The following FBXL13 variants were observed in gnomAD, a reference collection of about 807,000 sequenced individuals.
The protein encoded by FBXL13 is F-box and leucine-rich repeat protein 13.
In FBXL13, 67 loss-of-function variants were observed where a neutral mutation model predicts 83.6. The observed-to-expected ratio is 0.80, with a 90% confidence interval of 0.66 to 0.98. The LOEUF (loss-of-function observed/expected upper bound fraction) is 0.98, where lower values mean the gene tolerates loss of function less well. Ranked by LOEUF, FBXL13 falls within the 50% of genes least tolerant of loss-of-function variation. The pLI is 0.00. For missense variants in FBXL13, 822 were observed against 866.5 expected, an observed-to-expected ratio of 0.95 and a Z score of 0.64; for synonymous variants, 272 against 299.5, an observed-to-expected ratio of 0.91 and a Z score of 0.95.
At chr7:103,017,674 C>T (rs960423190) in intron 6 of FBXL13, among the ~76,000 whole-genome samples, 1 of 152,112 alleles carries the variant, frequency 6.6e-6, no homozygotes, top group African/African-American at 2.4e-5. Context: ...ATATGTGACA[C>T]ATGCATAAGC....
At chr7:103,012,042 C>T (rs533344727) in intron 6 of FBXL13, among the ~76,000 whole-genome samples, 18 of 152,192 alleles carry the variant, frequency 1.2e-4, no homozygotes, top group Non-Finnish European at 2.4e-4. Context: ...CATCCCAAGA[C>T]ACATAATCAT....
At chr7:103,069,111 G>C (rs943681277) in intron 1 of FBXL13, among the ~76,000 whole-genome samples, 3 of 151,896 alleles carry the variant, frequency 2.0e-5, no homozygotes, top group Non-Finnish European at 4.4e-5. Context: ...CCTCTGCCTG[G>C]CTGTCGCCCC....
intron 8 of FBXL13, among the ~76,000 whole-genome samples, chr7:102,953,012 A>C (rs561570885): frequency 1.4e-4 from 21 of 152,104 alleles, no homozygotes; most frequent in South Asian, 2.1e-4. Context: ...AACAAACAAA[A>C]AAACCCTCCA....
chr7:102,902,618 T>C (rs964567469), intron 11 of FBXL13, among the ~76,000 whole-genome samples: 1 of 151,870 alleles, frequency 6.6e-6, no homozygotes, highest in African/African-American at 2.4e-5. Flanking sequence ...GCATACATTA[T>C]GTATATAGTG....
chr7:103,026,201 T>C (rs1406842050), intron 5 of FBXL13, among the ~76,000 whole-genome samples: 7 of 152,030 alleles, frequency 4.6e-5, no homozygotes, highest in African/African-American at 1.2e-4. Context: ...TGCAGTGGCG[T>C]GATCTCGGCT....
intron 6 of FBXL13, chr7:102,973,356 C>G (rs1764887110): frequency 4.6e-6 from 3 of 658,460 alleles, no homozygotes; most frequent in Admixed American, 4.2e-5. Context: ...CAGAAGACAC[C>G]TACCCTGGCC....
chr7:102,943,012 A>C (rs1821764375), intron 8 of FBXL13, among the ~76,000 whole-genome samples: 1 of 151,824 alleles, frequency 6.6e-6, no homozygotes. Context: ...TTTTATTTTC[A>C]GTTATATTGG....
intron 2 of FBXL13, among the ~76,000 whole-genome samples, chr7:103,031,800 T>C (rs551832467): frequency 7.2e-5 from 11 of 152,372 alleles, no homozygotes; most frequent in Admixed American, 6.5e-4. Flanking sequence ...AGATTTTTCA[T>C]AGTATTAAGT....
At chr7:102,986,025 C>CG (rs1415233638) in intron 6 of FBXL13, among the ~76,000 whole-genome samples, 2 of 151,884 alleles carry the variant, frequency 1.3e-5, no homozygotes, top group African/African-American at 2.4e-5. Context: ...ATGCCCCCCC[C>CG]CCATCAATAC....
intron 11 of FBXL13, among the ~76,000 whole-genome samples, chr7:102,888,366 A>C (rs1051531929): frequency 6.6e-6 from 1 of 152,170 alleles, no homozygotes; most frequent in Non-Finnish European, 1.5e-5. Flanking sequence ...GTGAAACCCC[A>C]TCTCAACTAA....
intron 11 of FBXL13, among the ~76,000 whole-genome samples, chr7:102,901,072 G>A (rs1330394814): frequency 6.6e-6 from 1 of 152,158 alleles, no homozygotes; most frequent in African/African-American, 2.4e-5. Flanking sequence ...GGCAAACAGT[G>A]GTCCATCTCG....
chr7:102,838,890 G>A (rs1802448518), intron 17 of FBXL13, among the ~76,000 whole-genome samples: 2 of 152,120 alleles, frequency 1.3e-5, no homozygotes. Context: ...CTCGTGGGAT[G>A]GCAAAGACCT....
chr7:102,973,578 C>T, intron 6 of FBXL13: 1 of 765,512 alleles, frequency 1.3e-6, no homozygotes, highest in Non-Finnish European at 2.4e-6. Context: ...TGTCTGTTGG[C>T]ACACTCTCAA....
intron 18 of FBXL13, among the ~76,000 whole-genome samples, chr7:102,824,261 T>C (rs1799238466): frequency 6.6e-6 from 1 of 152,236 alleles, no homozygotes; most frequent in African/African-American, 2.4e-5. Context: ...CAACTACTTT[T>C]GATTCCTTGA....
intron 11 of FBXL13, among the ~76,000 whole-genome samples, chr7:102,905,814 G>C (rs1223324160): frequency 6.6e-6 from 1 of 152,086 alleles, no homozygotes; most frequent in East Asian, 1.9e-4. Context: ...TTACCATAAG[G>C]CTTGCAAATA....
intron 6 of FBXL13, among the ~76,000 whole-genome samples, chr7:102,997,530 T>C (rs971683576): frequency 1.3e-5 from 2 of 152,144 alleles, no homozygotes; most frequent in African/African-American, 2.4e-5. Context: ...TCTATCTAAC[T>C]GTATTTTTGT....
chr7:103,030,340 A>T (rs1794374935), intron 2 of FBXL13, among the ~76,000 whole-genome samples: 1 of 152,218 alleles, frequency 6.6e-6, no homozygotes, highest in Non-Finnish European at 1.5e-5. Context: ...CTCACTTTTG[A>T]TGGAGATTAA....
At chr7:102,816,006 C>G (rs762591040) in intron 19 of FBXL13, among the ~76,000 whole-genome samples, 4 of 152,130 alleles carry the variant, frequency 2.6e-5, no homozygotes, top group African/African-American at 9.7e-5. Flanking sequence ...GGGACAGAAT[C>G]GAAATGAGCT....
intron 17 of FBXL13, among the ~76,000 whole-genome samples, chr7:102,850,699 T>G (rs1413122527): frequency 1.3e-5 from 2 of 152,206 alleles, no homozygotes; most frequent in Non-Finnish European, 2.9e-5. Context: ...CCCTTTTTGT[T>G]ATTAAAGAGT....
Sources: allele counts gnomAD v4.1 joint callset (sites outside exome capture counted in the v4.1 genomes callset), GRCh38; gene constraint gnomAD v4.1.1; transcripts MANE v1.5; gene names NCBI Gene and HGNC (gene_info 2026-07-23, HGNC 2026-07-21).